Variants in BACH2 observed in about 807,000 individuals in gnomAD.
BACH2 encodes transcription regulator protein BACH2.
Under a neutral mutation model 61.8 loss-of-function variants are expected in BACH2, and 5 were observed. The observed-to-expected ratio is 0.08, with a 90% CI of 0.04 to 0.17. BACH2 has a LOEUF of 0.17. BACH2 is among the 10% of genes least tolerant of loss of function. The pLI is 1.00. For missense variants in BACH2, 824 were observed against 1,091.1 expected (o/e 0.76, Z 3.45); for synonymous variants, 446 against 440.1 (o/e 1.01, Z -0.17).
intron 1 of BACH2, among the ~76,000 whole-genome samples, chr6:90,285,154 T>C (rs1771979179): frequency 6.6e-6 from 1 of 152,230 alleles, no homozygotes; most frequent in Admixed American, 6.5e-5. Context: ...TAAGCAAAAC[T>C]GAACTCTGAA....
At chr6:90,226,666 GTCAA>G (rs1325821733) in intron 3 of BACH2, among the ~76,000 whole-genome samples, 2 of 151,822 alleles carry the variant, frequency 1.3e-5, no homozygotes, top group Non-Finnish European at 1.5e-5. Flanking sequence ...GTCTATTACT[GTCAA>G]TCAAACACAG....
intron 6 of BACH2, among the ~76,000 whole-genome samples, chr6:89,963,572 G>A (rs1309501886): frequency 1.3e-5 from 2 of 152,226 alleles, no homozygotes; most frequent in Non-Finnish European, 2.9e-5. Flanking sequence ...AATGACAGGT[G>A]TGAGTCACTG....
At chr6:90,294,589 G>A (rs192433576) in intron 1 of BACH2, among the ~76,000 whole-genome samples, 2 of 152,174 alleles carry the variant, frequency 1.3e-5, no homozygotes, top group Non-Finnish European at 2.9e-5. Flanking sequence ...CTGTAATTTG[G>A]CAATCTCTCT....
intron 6 of BACH2, among the ~76,000 whole-genome samples, chr6:89,979,696 AC>A (rs1775846227): frequency 1.3e-5 from 2 of 152,252 alleles, no homozygotes; most frequent in African/African-American, 4.8e-5. Context: ...TGTTCATTGA[AC>A]AAACCGAAAC....
intron 3 of BACH2, among the ~76,000 whole-genome samples, chr6:90,229,459 CA>C (rs58516003): frequency 0.7 from 101,240 of 144,680 alleles, 35,978 homozygotes; most frequent in African/African-American, 0.9. Flanking sequence ...GACTTTGTCT[CA>C]AAAAAAAAAA....
intron 1 of BACH2, among the ~76,000 whole-genome samples, chr6:90,296,093 C>CG: frequency 6.6e-6 from 1 of 152,134 alleles, no homozygotes; most frequent in African/African-American, 2.4e-5. Flanking sequence ...ACAGCTGCTG[C>CG]GGCTCGCGCG....
chr6:90,295,953 T>C (rs2127897117), intron 1 of BACH2, among the ~76,000 whole-genome samples: 1 of 152,046 alleles, frequency 6.6e-6, no homozygotes, highest in South Asian at 2.1e-4. Flanking sequence ...GCGGCCAAGG[T>C]CCTCGCGGAG....
At chr6:90,152,212 T>A (rs1346039833) in intron 4 of BACH2, among the ~76,000 whole-genome samples, 1 of 152,212 alleles carries the variant, frequency 6.6e-6, no homozygotes, top group Non-Finnish European at 1.5e-5. Context: ...GGCATATAAT[T>A]TTCATGCTGC....
intron 4 of BACH2, among the ~76,000 whole-genome samples, chr6:90,188,965 T>C (rs957660862): frequency 7.9e-5 from 12 of 152,278 alleles, no homozygotes; most frequent in African/African-American, 2.9e-4. Flanking sequence ...ATAATATTAG[T>C]GCAGCCTACC....
At chr6:90,199,643 C>CA (rs1262330358) in intron 4 of BACH2, among the ~76,000 whole-genome samples, 1 of 152,168 alleles carries the variant, frequency 6.6e-6, no homozygotes, top group African/African-American at 2.4e-5. Flanking sequence ...CAGGTGGAGA[C>CA]AGAGTCTGGA....
At chr6:89,979,150 G>A (rs369212136) in intron 6 of BACH2, among the ~76,000 whole-genome samples, 15 of 152,070 alleles carry the variant, frequency 9.9e-5, no homozygotes, top group African/African-American at 2.9e-4. Flanking sequence ...TGAAAAAAAC[G>A]CATCAGAATT....
Position 90,008,780 on chromosome 6 carries a change from T to C in BACH2, c.65A>G (p.Asn22Ser). Residue 22 changes from asparagine (N) to serine (S), a missense_variant, in exon 6 of 9, where the codon AAC becomes AGC. By Grantham distance (46) the Asn-to-Ser change is conservative. Around this residue, in one of 8 missense-constraint regions of BACH2, gnomAD observed 66 missense variants for 144.8 expected, o/e 0.46. Transcript: ENST00000257749. This position sits in a 1 kb window ranked among gnomAD's most constrained non-coding sequence, Gnocchi z 4.1. ...CTGGTCATTGAGGCCCAGGAGGATG[T>C]TGGTGCAGTGGACTGTGGACTCATA... ...YVYESTVHCT[N>S]ILLGLNDQRK... The C allele has an allele frequency of 6.2e-7, 1 of 1,614,204 alleles. No individual in the cohort carries two copies. The highest frequency in any genetic ancestry group is 2.2e-5 in the East Asian group (1 of 44,886).
At chr6:90,055,683 A>C (rs1215189574) in intron 5 of BACH2, among the ~76,000 whole-genome samples, 1 of 150,802 alleles carries the variant, frequency 6.6e-6, no homozygotes, top group East Asian at 1.9e-4. Flanking sequence ...AAGATTCACC[A>C]AAGTTGAAAT....
intron 7 of BACH2, among the ~76,000 whole-genome samples, chr6:89,941,894 A>G (rs1269892120): frequency 7.2e-5 from 11 of 152,242 alleles, no homozygotes; most frequent in Non-Finnish European, 2.9e-5. Context: ...CAGTGAATAT[A>G]AAACACTAGG....
At chr6:89,975,789 C>T (rs1483695335) in intron 6 of BACH2, among the ~76,000 whole-genome samples, 2 of 152,200 alleles carry the variant, frequency 1.3e-5, no homozygotes, top group Non-Finnish European at 1.5e-5. Flanking sequence ...CTTTTGTTCT[C>T]GTTTTGGATC....
chr6:90,278,952 T>C (rs1216956170), intron 1 of BACH2, among the ~76,000 whole-genome samples: 1 of 152,224 alleles, frequency 6.6e-6, no homozygotes, highest in African/African-American at 2.4e-5. Flanking sequence ...TAATCCTATA[T>C]ATGTAAAACA....
chr6:90,110,179 A>G (rs543270979), intron 4 of BACH2, among the ~76,000 whole-genome samples: 12 of 152,342 alleles, frequency 7.9e-5, no homozygotes, highest in African/African-American at 2.4e-4. Flanking sequence ...GCTCACACAG[A>G]TACATAGTTG....
intron 6 of BACH2, among the ~76,000 whole-genome samples, chr6:89,970,211 G>A (rs111669695): frequency 0.011 from 1,622 of 152,340 alleles, 26 homozygotes; most frequent in African/African-American, 0.025. Flanking sequence ...GGCCACCCTC[G>A]TGAGGAGTAA....
chr6:90,265,578 C>G (rs1051926098), intron 2 of BACH2, among the ~76,000 whole-genome samples: 4 of 152,182 alleles, frequency 2.6e-5, no homozygotes, highest in African/African-American at 7.2e-5. Flanking sequence ...ATAAACACCA[C>G]GCTGCAGAAC....
Sources: allele counts gnomAD v4.1 joint callset (sites outside exome capture counted in the v4.1 genomes callset), GRCh38; gene constraint gnomAD v4.1.1; regional missense constraint gnomAD v4.1.1; non-coding constraint Gnocchi (gnomAD v3.1); transcripts MANE v1.5; gene names NCBI Gene and HGNC (gene_info 2026-07-23, HGNC 2026-07-21).